The following TNFAIP8 variants were observed in gnomAD, a reference collection of about 807,000 sequenced individuals.
TNFAIP8 encodes tumor necrosis factor alpha-induced protein 8.
A neutral mutation model predicts 13.3 loss-of-function variants in TNFAIP8; 7 were observed. The ratio of observed to expected loss-of-function variants is 0.52; its 90% CI spans 0.30 to 0.99. The LOEUF (loss-of-function observed/expected upper bound fraction) is 0.99, where lower values mean the gene tolerates loss of function less well. TNFAIP8 is among the 50% of genes least tolerant of loss of function. The pLI, the probability that TNFAIP8 is intolerant of heterozygous loss-of-function variation, is 0.07. For synonymous variants in TNFAIP8, 94 were observed against 87.6 expected (o/e 1.07, Z -0.41); for missense variants, 258 against 236.9 (o/e 1.09, Z -0.58).
At chr5:119,331,843 G>T (rs1386405473) in intron 1 of TNFAIP8, among the ~76,000 whole-genome samples, 1 of 152,182 alleles carries the variant, frequency 6.6e-6, no homozygotes, top group Non-Finnish European at 1.5e-5. Flanking sequence ...TGAGAGGCCT[G>T]TTCCACTGTT....
intron 1 of TNFAIP8, among the ~76,000 whole-genome samples, chr5:119,307,895 C>G (rs1749614459): frequency 6.6e-6 from 1 of 152,104 alleles, no homozygotes; most frequent in South Asian, 2.1e-4. Flanking sequence ...GCAGACACCC[C>G]ATGTTTATCA....
At chr5:119,342,377 G>C (rs923748776) in intron 1 of TNFAIP8, among the ~76,000 whole-genome samples, 1 of 152,178 alleles carries the variant, frequency 6.6e-6, no homozygotes, top group Admixed American at 6.5e-5. Context: ...CAGAGTCCAC[G>C]AAAATTCTTG....
chr5:119,277,633 A>G (rs116133058), intron 1 of TNFAIP8, among the ~76,000 whole-genome samples: 3,515 of 152,262 alleles, frequency 0.023, 144 homozygotes, highest in African/African-American at 0.08. Flanking sequence ...TTTCTGAGAT[A>G]TTGGGAGTTA....
intron 1 of TNFAIP8, among the ~76,000 whole-genome samples, chr5:119,350,603 T>A (rs943368981): frequency 3.3e-5 from 5 of 152,234 alleles, no homozygotes; most frequent in Admixed American, 6.5e-5. Context: ...GAAATACACC[T>A]AGAAAGCCTA....
chr5:119,360,062 C>T (rs985718987), intron 1 of TNFAIP8, among the ~76,000 whole-genome samples: 1 of 152,172 alleles, frequency 6.6e-6, no homozygotes, highest in African/African-American at 2.4e-5. Context: ...AACTTAAATG[C>T]ATTTGGAGCT....
intron 1 of TNFAIP8, among the ~76,000 whole-genome samples, chr5:119,338,165 GACACACACACACACACACACAC>G (rs367789572): frequency 7.2e-5 from 9 of 125,164 alleles, no homozygotes; most frequent in African/African-American, 2.8e-4. Flanking sequence ...CTGGAACTTT[GACACACACACACACACACACAC>G]ACACACACAC....
intron 1 of TNFAIP8, among the ~76,000 whole-genome samples, chr5:119,363,662 T>C (rs1276553710): frequency 6.6e-6 from 1 of 152,252 alleles, no homozygotes; most frequent in Non-Finnish European, 1.5e-5. Context: ...TGACACCGAA[T>C]GTGAGAGGGT....
chr5:119,363,536 T>C (rs1005766108), intron 1 of TNFAIP8, among the ~76,000 whole-genome samples: 3 of 152,226 alleles, frequency 2.0e-5, no homozygotes, highest in African/African-American at 7.2e-5. Flanking sequence ...GGCCTCTTCC[T>C]GTGGCATCAC....
intron 1 of TNFAIP8, among the ~76,000 whole-genome samples, chr5:119,309,397 T>C (rs2112667517): frequency 6.6e-6 from 1 of 152,312 alleles, no homozygotes; most frequent in East Asian, 1.9e-4. Context: ...CTTTTTTGGT[T>C]TCTGGACCCT....
intron 1 of TNFAIP8, among the ~76,000 whole-genome samples, chr5:119,348,697 A>G (rs1173814519): frequency 1.3e-5 from 2 of 152,054 alleles, no homozygotes; most frequent in African/African-American, 4.8e-5. Context: ...CCTGGCCAAC[A>G]TGGTGAAACC....
At chr5:119,317,544 T>C (rs1447886804) in intron 1 of TNFAIP8, among the ~76,000 whole-genome samples, 1 of 149,836 alleles carries the variant, frequency 6.7e-6, no homozygotes, top group African/African-American at 2.4e-5. Context: ...TAGCAGGTTA[T>C]ATTGACCTAT....
intron 1 of TNFAIP8, among the ~76,000 whole-genome samples, chr5:119,350,801 C>T (rs1171555809): frequency 6.6e-6 from 1 of 152,210 alleles, no homozygotes; most frequent in African/African-American, 2.4e-5. Context: ...ACTCCCAGGA[C>T]TGGCCACCAG....
Position 119,324,231 on chromosome 5 carries a change from C to T in TNFAIP8, c.1+55324C>T, listed in dbSNP as rs1750144617. 3.1e-5 allele frequency among the ~76,000 whole-genome samples: 4 copies of T among 130,904 alleles called. No individual in the cohort carries two copies. The Admixed American group carries it at 3.5e-4, about 11-fold the overall frequency. 85.9% of individuals were successfully genotyped at this position (130,904 alleles called of 152,430 possible). A position where few individuals can be genotyped will look rare whatever the true frequency, so the allele number is the denominator to read the frequency against. On this transcript the variant is annotated intron_variant, in intron 1 of 1. Transcript: ENST00000274456. ...TGGAGGCTGCAGTGAGCCGAGATCG[C>T]GCCACTGCACTCCAGCCTGAGCCAC...
chr5:119,340,510 T>A (rs1267876771), intron 1 of TNFAIP8, among the ~76,000 whole-genome samples: 1 of 152,214 alleles, frequency 6.6e-6, no homozygotes, highest in Admixed American at 6.5e-5. Context: ...CCTCTTAAGA[T>A]ACTCACCATA....
intron 1 of TNFAIP8, among the ~76,000 whole-genome samples, chr5:119,392,252 G>A (rs1241484572): frequency 6.6e-6 from 1 of 152,160 alleles, no homozygotes; most frequent in Non-Finnish European, 1.5e-5. Flanking sequence ...ATAAAACAAG[G>A]CTTTCCTTTT....
chr5:119,286,187 G>C (rs934088639), intron 1 of TNFAIP8, among the ~76,000 whole-genome samples: 5 of 152,180 alleles, frequency 3.3e-5, no homozygotes, highest in African/African-American at 1.2e-4. Context: ...GGTGGGCATT[G>C]TCTGGAAACT....
chr5:119,332,911 C>T (rs928150005), intron 1 of TNFAIP8, among the ~76,000 whole-genome samples: 1 of 152,158 alleles, frequency 6.6e-6, no homozygotes, highest in African/African-American at 2.4e-5. Context: ...ATATACTCTT[C>T]CAAAGCAAAA....
At chr5:119,329,657 T>C (rs2112703661) in intron 1 of TNFAIP8, among the ~76,000 whole-genome samples, 1 of 152,262 alleles carries the variant, frequency 6.6e-6, no homozygotes, top group South Asian at 2.1e-4. Flanking sequence ...ATGTTAACTT[T>C]ATGGAGCTGG....
intron 1 of TNFAIP8, among the ~76,000 whole-genome samples, chr5:119,273,969 C>A (rs576446760): frequency 5.3e-5 from 8 of 152,318 alleles, no homozygotes; most frequent in Middle Eastern, 3.4e-3. Flanking sequence ...TTAGCTCAAG[C>A]CTTCCTCATT....
Sources: gnomAD v4.1 joint callset for allele counts (sites outside exome capture counted in the v4.1 genomes callset) on GRCh38, gnomAD v4.1.1 for gene constraint, MANE v1.5 for transcripts, NCBI Gene and HGNC (gene_info 2026-07-23, HGNC 2026-07-21) for gene names.